Variants in CCDC3 observed in about 807,000 individuals in gnomAD.
CCDC3 encodes coiled-coil domain containing 3.
In CCDC3, 24 loss-of-function variants were observed where a neutral mutation model predicts 21.4. The observed-to-expected ratio is 1.12, with a 90% CI of 0.81 to 1.58. The LOEUF (loss-of-function observed/expected upper bound fraction) is 1.58, where lower values mean the gene tolerates loss of function less well. CCDC3 is among the 40% of genes most tolerant of loss of function. The probability of loss-of-function intolerance (pLI) is 0.00; values close to 1 mark genes in which losing one functional copy is unlikely to be tolerated. For missense variants in CCDC3, 425 were observed against 360.9 expected, an observed-to-expected ratio of 1.18 and a Z score of -1.44; for synonymous variants, 186 against 166.0, an observed-to-expected ratio of 1.12 and a Z score of -0.93.
At chr10:13,069,306 A>G (rs750268352) in intron 4 of CCDC3, among the ~76,000 whole-genome samples, 1 of 152,260 alleles carries the variant, frequency 6.6e-6, no homozygotes, top group Non-Finnish European at 1.5e-5. Context: ...GTGTGAACAT[A>G]TTAACTACAT....
intron 4 of CCDC3, among the ~76,000 whole-genome samples, chr10:13,066,260 T>A (rs1349699641): frequency 6.6e-6 from 1 of 152,070 alleles, no homozygotes; most frequent in Admixed American, 6.5e-5. Flanking sequence ...CGGGCTCAGG[T>A]GATTCTCCCA....
rs539461156 is a variant in CCDC3, at chr10:13,088,585, T to A, written c.-503+9940A>T. 3.9e-5 allele frequency among the ~76,000 whole-genome samples: 6 copies of A among 152,172 alleles called. No homozygotes were observed. The East Asian group carries it at 1.2e-3, about 29-fold the overall frequency. On this transcript the variant is annotated intron_variant, in intron 3 of 6. Coordinates refer to the CCDC3 transcript ENST00000378839. ...GCTGTAGATGGCACACTGCAAAAAA[T>A]TGAGGCTACCGAGGGAATGGAATGA...
At chr10:13,049,347 T>C (rs1266584623) in intron 5 of CCDC3, among the ~76,000 whole-genome samples, 1 of 152,076 alleles carries the variant, frequency 6.6e-6, no homozygotes, top group Non-Finnish European at 1.5e-5. Context: ...AGGGAATAAA[T>C]ATTAACTTTA....
intron 4 of CCDC3, among the ~76,000 whole-genome samples, chr10:13,067,138 C>A (rs1427415342): frequency 6.6e-6 from 1 of 152,224 alleles, no homozygotes; most frequent in African/African-American, 2.4e-5. Flanking sequence ...CCCCTCACCC[C>A]AATGGCTGCA....
chr10:13,002,917 A>G (rs1287331630), upstream of CCDC3, among the ~76,000 whole-genome samples: 3 of 152,194 alleles, frequency 2.0e-5, no homozygotes, highest in African/African-American at 7.2e-5. Flanking sequence ...ATGGAGAAAG[A>G]GTGAGCCCTG....
At chr10:12,969,369 C>T (rs1020760064) in intron 2 of CCDC3, among the ~76,000 whole-genome samples, 5 of 152,062 alleles carry the variant, frequency 3.3e-5, no homozygotes, top group Admixed American at 3.3e-4. Flanking sequence ...TAAATTAGTA[C>T]ACCACTATAG....
At chr10:12,974,988 C>T (rs1360367599) in intron 2 of CCDC3, among the ~76,000 whole-genome samples, 1 of 152,204 alleles carries the variant, frequency 6.6e-6, no homozygotes, top group Non-Finnish European at 1.5e-5. Context: ...GCCCACCTCA[C>T]ATGTCACGTG....
chr10:12,898,539 C>G lies in CCDC3; in HGVS notation c.690G>C (p.Gln230His), dbSNP rs751340194. 3 of 1,614,228 alleles carry G rather than the reference C, an allele frequency of 1.9e-6. No homozygotes were observed. Among genetic ancestry groups the G allele is most frequent in the Non-Finnish European group, 2.5e-6 (3 of 1,180,044 alleles). Residue 230 changes from glutamine (Q) to histidine (H), a missense_variant, in exon 3 of 3, where the codon CAG becomes CAC. Gln to His is a conservative substitution (Grantham distance 24, BLOSUM62 0). Coordinates refer to ENST00000378825, the MANE Select transcript of CCDC3 (RefSeq NM_031455.4). The part of the protein sequence containing the change: ...RVKKVKRSLR[Q>H]ARKKGRHLEL... The stretch of plus-strand genomic sequence containing the variant: ...CCAGGTGGCGGCCCTTCTTACGCGC[C>G]TGCCGCAAGGACCTCTTGACCTTCT...
chr10:13,034,341 G>A (rs1319798911), intron 5 of CCDC3, among the ~76,000 whole-genome samples: 11 of 140,198 alleles, frequency 7.8e-5, no homozygotes, highest in Non-Finnish European at 1.4e-4. Context: ...GGGGCCTGTT[G>A]GGGGGTGGGG....
chr10:12,961,900 G>T (rs937382912), intron 2 of CCDC3, among the ~76,000 whole-genome samples: 1 of 152,022 alleles, frequency 6.6e-6, no homozygotes, highest in African/African-American at 2.4e-5. Context: ...ATTTTTGAAG[G>T]GTATGCATAG....
At chr10:12,993,487 T>C (rs1835708863) in intron 2 of CCDC3, among the ~76,000 whole-genome samples, 1 of 152,202 alleles carries the variant, frequency 6.6e-6, no homozygotes. Flanking sequence ...TTCCATTCCA[T>C]GACATTTTAT....
At chr10:13,029,417 C>T (rs1330204877) in intron 5 of CCDC3, among the ~76,000 whole-genome samples, 4 of 151,992 alleles carry the variant, frequency 2.6e-5, no homozygotes, top group African/African-American at 4.8e-5. Flanking sequence ...TTCTAAAAAC[C>T]GGAACGCCTC....
At chr10:12,985,966 C>A (rs1310145190) in intron 2 of CCDC3, among the ~76,000 whole-genome samples, 1 of 152,204 alleles carries the variant, frequency 6.6e-6, no homozygotes, top group Non-Finnish European at 1.5e-5. Flanking sequence ...AGCTCCGCCT[C>A]CCGGGTTCAC....
At chr10:12,955,370 T>G (rs891465472) in intron 2 of CCDC3, among the ~76,000 whole-genome samples, 4 of 152,218 alleles carry the variant, frequency 2.6e-5, no homozygotes, top group Non-Finnish European at 5.9e-5. Context: ...CTGATCCTAC[T>G]CCAACACTTT....
chr10:13,030,901 C>T (rs1297769264), intron 5 of CCDC3, among the ~76,000 whole-genome samples: 6 of 152,142 alleles, frequency 3.9e-5, no homozygotes, highest in African/African-American at 1.4e-4. Context: ...TAATGGGAGA[C>T]TTTAACACCC....
At chr10:13,010,720 C>T (rs1242990354) in intron 5 of CCDC3, among the ~76,000 whole-genome samples, 3 of 152,186 alleles carry the variant, frequency 2.0e-5, no homozygotes, top group African/African-American at 7.2e-5. Flanking sequence ...TGTCCATCCA[C>T]AGGTACATGA....
In CCDC3 at chr10:13,045,608, ACT is replaced by A. The variant is rs546858336; in HGVS notation, c.-2+4064_-2+4065del. Among the ~76,000 whole-genome samples the A allele has an allele frequency of 1.5e-3, 235 of 152,236 alleles. 4 individuals are homozygous for A. Among genetic ancestry groups the A allele is most frequent in the Admixed American group, 0.012 (183 of 15,288 alleles). ...ACTCCAGCCTGGGCAACAGAGCAAG[ACT>A]CTGCCTCAAAACAAACAAACAAACA... On this transcript the variant is annotated intron_variant, in intron 5 of 6. Transcript: ENST00000378839.
At chr10:12,939,830 C>T (rs950095289) in intron 2 of CCDC3, among the ~76,000 whole-genome samples, 9 of 152,152 alleles carry the variant, frequency 5.9e-5, no homozygotes, top group South Asian at 2.1e-4. Flanking sequence ...ACAACAACAA[C>T]GACAACAAAA....
At chr10:12,923,052 G>A (rs1215979641) in intron 2 of CCDC3, among the ~76,000 whole-genome samples, 1 of 152,168 alleles carries the variant, frequency 6.6e-6, no homozygotes, top group Non-Finnish European at 1.5e-5. Flanking sequence ...TCATTTGGGG[G>A]AAGAAGACCA....
Sources: gnomAD v4.1 joint callset for allele counts (sites outside exome capture counted in the v4.1 genomes callset) on GRCh38, gnomAD v4.1.1 for gene constraint, MANE v1.5 for transcripts, NCBI Gene and HGNC (gene_info 2026-07-23, HGNC 2026-07-21) for gene names.